PCDHA1: variants seen among roughly 807,000 people sequenced by gnomAD.
PCDHA1 encodes the protein protocadherin alpha 1.
Under a neutral mutation model 61.3 loss-of-function variants are expected in PCDHA1, and 42 were observed. The observed-to-expected ratio is 0.69, with a 90% CI of 0.54 to 0.89. PCDHA1 has a LOEUF of 0.89. Ranked by LOEUF, PCDHA1 falls within the 40% of genes least tolerant of loss-of-function variation. The pLI is 0.00. For synonymous variants in PCDHA1, 610 were observed against 553.8 expected, an observed-to-expected ratio of 1.10 and a Z score of -1.43; for missense variants, 1,256 against 1,235.3, an observed-to-expected ratio of 1.02 and a Z score of -0.25.
chr5:140,983,518 C>T (rs1417635641), intron 3 of PCDHA1, among the ~76,000 whole-genome samples: 1 of 152,130 alleles, frequency 6.6e-6, no homozygotes, highest in African/African-American at 2.4e-5. Context: ...AGACACTGTG[C>T]CAAGTACATT....
In PCDHA1 at chr5:140,829,586, G is replaced by T. The variant is rs2150170634; in HGVS notation, c.2394+40902G>T. 6.2e-7 allele frequency: 1 copy of T among 1,612,232 alleles called. No individual in the cohort carries two copies. The highest frequency in any genetic ancestry group is 8.5e-7 in the Non-Finnish European group (1 of 1,179,786). On this transcript the variant is annotated intron_variant, in intron 1 of 3. Coordinates refer to ENST00000504120, the MANE Select transcript of PCDHA1 (RefSeq NM_018900.4). ...GTCCTACTCGCTGGTGGAGCGGCGG[G>T]TGGGCGAGCGCGCGTTGTCGAGCTA... is the stretch of plus-strand genomic sequence containing the variant.
At chr5:140,962,126 C>A (rs1429316991) in intron 1 of PCDHA1, among the ~76,000 whole-genome samples, 1 of 152,094 alleles carries the variant, frequency 6.6e-6, no homozygotes. Flanking sequence ...ACCTTGGCCT[C>A]GGCCTCCCAA....
intron 1 of PCDHA1, chr5:140,866,007 T>A (rs568957330): frequency 6.6e-6 from 1 of 152,272 alleles, no homozygotes; most frequent in East Asian, 1.9e-4. Context: ...TGTTAAGTGA[T>A]TTTTTTCTTG....
chr5:140,809,562 C>T (rs781790264), intron 1 of PCDHA1: 29 of 1,608,070 alleles, frequency 1.8e-5, no homozygotes, highest in East Asian at 4.5e-5. Flanking sequence ...ACTGAGGAAT[C>T]CTTTGCAAAG....
chr5:140,870,595 T>C, intron 1 of PCDHA1: 3 of 1,613,242 alleles, frequency 1.9e-6, no homozygotes, highest in Non-Finnish European at 2.5e-6. Flanking sequence ...GGAGCGGCGG[T>C]TGGGCGACCG....
chr5:140,870,385 G>A, intron 1 of PCDHA1: 1 of 1,614,240 alleles, frequency 6.2e-7, no homozygotes. Context: ...GACTGCGCGG[G>A]ATGGGGGTTC....
rs1032326497 is a variant in PCDHA1, at chr5:140,858,875, C to A, written c.2394+70191C>A. ...TATCTCTTCAGTGAAAATGTGTTTT[C>A]CTCCATGTGTAGAATATGTGTAGCG... On this transcript the variant is annotated intron_variant, in intron 1 of 3. Transcript: ENST00000504120. 1.2e-5 allele frequency: 3 copies of A among 246,542 alleles called. No homozygotes were observed. The East Asian group carries it at 3.3e-4, about 27-fold the overall frequency. 15.3% of individuals were successfully genotyped at this position (246,542 alleles called of 1,614,324 possible).
chr5:140,905,776 GT>G (rs1255347430), intron 1 of PCDHA1, among the ~76,000 whole-genome samples: 1 of 152,068 alleles, frequency 6.6e-6, no homozygotes, highest in African/African-American at 2.4e-5. Flanking sequence ...ATTCCGAAGT[GT>G]ATTAGTCAGG....
rs968965849 is a variant in PCDHA1, at chr5:140,805,251, A to G, written c.2394+16567A>G. 2.9e-5 allele frequency: 38 copies of G among 1,306,518 alleles called. No individual in the cohort carries two copies. The South Asian group carries it at 9.0e-4, about 31-fold the overall frequency. 80.9% of individuals were successfully genotyped at this position (1,306,518 alleles called of 1,614,324 possible). On this transcript the variant is annotated intron_variant, in intron 1 of 3. Transcript: ENST00000504120. Reference sequence around the variant, plus strand: ...GCTGCATTCCCCATCTGTACATTAAAATACCTGGTAAATGAAAATATTACA... The same window carrying G: ...GCTGCATTCCCCATCTGTACATTAAGATACCTGGTAAATGAAAATATTACA...
chr5:140,859,927 A>G (rs1296278263), intron 1 of PCDHA1: 2 of 152,054 alleles, frequency 1.3e-5, no homozygotes, highest in African/African-American at 2.4e-5. Context: ...AGTAATATAA[A>G]AAACTTAGTA....
At position 140,852,924 on chromosome 5, in the gene PCDHA1, G is replaced by C. The variant is rs1007993116; in HGVS notation, c.2394+64240G>C. On this transcript the variant is annotated intron_variant, in intron 1 of 3. Coordinates refer to ENST00000504120, the MANE Select transcript of PCDHA1 (RefSeq NM_018900.4). ...GTCAGAGTCTCGCTCTGTTGCCCAG[G>C]CTGGAGTGCAGTGGTGCCATCTTGG... The C allele has an allele frequency of 2.7e-5, 19 of 707,974 alleles. 2 individuals are homozygous for C. Among genetic ancestry groups the C allele is most frequent in the Admixed American group, 2.6e-4 (4 of 15,396 alleles). The allele number at this position is 707,974 out of a possible 1,614,324, so 43.9% of individuals were successfully genotyped here.
intron 1 of PCDHA1, chr5:140,843,325 G>A: frequency 6.3e-7 from 1 of 1,596,050 alleles, no homozygotes. Flanking sequence ...TTCTGGTGTC[G>A]CTGGTGGAGA....
chr5:140,806,660 T>TA (rs376815629), intron 1 of PCDHA1, among the ~76,000 whole-genome samples: 145 of 151,574 alleles, frequency 9.6e-4, no homozygotes, highest in East Asian at 5.6e-3. Flanking sequence ...TTATCATTAA[T>TA]AAAAAAAAAC....
intron 1 of PCDHA1, among the ~76,000 whole-genome samples, chr5:140,898,020 AC>A (rs1483113036): frequency 6.6e-6 from 1 of 152,078 alleles, no homozygotes; most frequent in Non-Finnish European, 1.5e-5. Flanking sequence ...TCCTTTGCCC[AC>A]TTTTTGATGG....
intron 1 of PCDHA1, chr5:140,795,371 C>T (rs1581613955): frequency 3.7e-6 from 6 of 1,614,196 alleles, no homozygotes; most frequent in Middle Eastern, 1.6e-4. Flanking sequence ...TTTCCAATGA[C>T]AGTAAAGACT....
At chr5:140,789,005 C>T (rs1195265740) in intron 1 of PCDHA1, 1 of 384,166 alleles carries the variant, frequency 2.6e-6, no homozygotes, top group Non-Finnish European at 4.5e-6. Context: ...GTGACATATT[C>T]GGGGTAACTT....
At chr5:140,840,559 A>G (rs1776766288) in intron 1 of PCDHA1, among the ~76,000 whole-genome samples, 1 of 152,098 alleles carries the variant, frequency 6.6e-6, no homozygotes, top group Non-Finnish European at 1.5e-5. Flanking sequence ...CAATACTGCT[A>G]GAGTTTGGCA....
intron 1 of PCDHA1, chr5:140,969,495 C>A: frequency 7.0e-7 from 1 of 1,437,888 alleles, no homozygotes; most frequent in South Asian, 1.5e-5. Flanking sequence ...TATTTCCTCT[C>A]TAGAAAAATA....
rs114741049 is a variant in PCDHA1, at chr5:140,830,663, G to C, written c.2394+41979G>C. ...TGCTTCTTTAATATTCATAATTTAAGTGAAATTAGAAATCACTGTCCACAA... is the reference window on the plus strand; with the variant it reads ...TGCTTCTTTAATATTCATAATTTAACTGAAATTAGAAATCACTGTCCACAA... On this transcript the variant is annotated intron_variant, in intron 1 of 3. Coordinates refer to ENST00000504120, the MANE Select transcript of PCDHA1 (RefSeq NM_018900.4). 2.0e-3 allele frequency: 827 copies of C among 406,220 alleles called. 12 individuals are homozygous for C. Among genetic ancestry groups the C allele is most frequent in the African/African-American group, 0.016 (756 of 47,898 alleles). 25.2% of individuals were successfully genotyped at this position (406,220 alleles called of 1,614,324 possible). A position where few individuals can be genotyped will look rare whatever the true frequency, so the allele number is the denominator to read the frequency against.
Sources: allele counts gnomAD v4.1 joint callset (sites outside exome capture counted in the v4.1 genomes callset), GRCh38; gene constraint gnomAD v4.1.1; transcripts MANE v1.5; gene names NCBI Gene and HGNC (gene_info 2026-07-23, HGNC 2026-07-21).